The following PRKCZ variants were observed in gnomAD, a reference collection of about 807,000 sequenced individuals.
PRKCZ encodes protein kinase C zeta type.
In PRKCZ, 33 loss-of-function variants were observed where a neutral mutation model predicts 79.5. The ratio of observed to expected loss-of-function variants is 0.41; its 90% confidence interval spans 0.31 to 0.55. The LOEUF is 0.55. PRKCZ is among the 20% of genes least tolerant of loss of function. The pLI is 0.19. For synonymous variants in PRKCZ, 342 were observed against 320.9 expected (o/e 1.07, Z -0.70); for missense variants, 578 against 813.5 (o/e 0.71, Z 3.52).
chr1:2,095,749 TCTCCCCTCCTTTCCG>T (rs1441907981), intron 4 of PRKCZ, among the ~76,000 whole-genome samples: 1 of 71,596 alleles, frequency 1.4e-5, no homozygotes, highest in African/African-American at 5.7e-5. Flanking sequence ...GCTCCCCTCC[TCTCCCCTCCTTTCCG>T]CTCCCCTCCT....
chr1:2,134,455 C>T (rs1007450477), intron 4 of PRKCZ, among the ~76,000 whole-genome samples: 8 of 152,184 alleles, frequency 5.3e-5, no homozygotes. Context: ...TTTACACACA[C>T]ATCCGTTTCA....
Position 2,050,571 on chromosome 1 carries a change from C to A in PRKCZ, c.-60C>A. 1 of 1,104,788 alleles carries A rather than the reference C, an allele frequency of 9.1e-7. No homozygotes were observed. 68.4% of individuals were successfully genotyped at this position (1,104,788 alleles called of 1,614,324 possible). A position where few individuals can be genotyped will look rare whatever the true frequency, so the allele number is the denominator to read the frequency against. ...GCCGCGGCCCCACCTGGAGCCCCCG[C>A]CCCGCGCCATGGCCGGAGCTCCCGG... On this transcript the variant is annotated 5_prime_UTR_variant, in exon 1 of 18. Transcript: ENST00000378567.
At chr1:2,101,863 C>T (rs753772515) in intron 4 of PRKCZ, among the ~76,000 whole-genome samples, 6 of 152,114 alleles carry the variant, frequency 3.9e-5, no homozygotes, top group Non-Finnish European at 7.3e-5. Context: ...GGCAGAGATA[C>T]GTGGTGGGTA....
In PRKCZ at chr1:2,177,877, C is replaced by T. The variant is rs570682074; in HGVS notation, c.1575+2564C>T. On this transcript the variant is annotated intron_variant, in intron 16 of 17. Transcript: ENST00000378567. This position sits in a 1 kb window ranked among gnomAD's most constrained non-coding sequence, Gnocchi z 6.4. ...GAGAGGCCTGCGAAGGGCTTGCCAC[C>T]GACTGCCAGCCCTGCCTCTGCCACC... Among the ~76,000 whole-genome samples the T allele has an allele frequency of 9.2e-5, 14 of 152,196 alleles. No individual in the cohort carries two copies. The highest frequency in any genetic ancestry group is 3.4e-3 in the Middle Eastern group (1 of 294).
Position 2,125,598 on chromosome 1 carries a change from C to T in PRKCZ, c.335-9664C>T, listed in dbSNP as rs1673711717. 6.6e-6 allele frequency among the ~76,000 whole-genome samples: 1 copy of T among 152,334 alleles called. No homozygotes were observed. The highest frequency in any genetic ancestry group is 2.4e-5 in the African/African-American group (1 of 41,586). ...CAAGACGTGGAGTGACTGTGGGTCC[C>T]CGTGGCCCCTGACATGCTCCCAGGG... On this transcript the variant is annotated intron_variant, in intron 4 of 17. Coordinates refer to ENST00000378567, the MANE Select transcript of PRKCZ (RefSeq NM_002744.6). The surrounding 1 kb of genome is among the most constrained non-coding windows in gnomAD (Gnocchi z 4.2).
chr1:2,110,819 C>T (rs1222080934), intron 4 of PRKCZ, among the ~76,000 whole-genome samples: 1 of 151,800 alleles, frequency 6.6e-6, no homozygotes, highest in Non-Finnish European at 1.5e-5. Flanking sequence ...GGGGGCAGGG[C>T]TGGTGGACAG....
chr1:2,155,807 G>GTGGTAGAGGTGGTAGA (rs1553168072), intron 9 of PRKCZ, among the ~76,000 whole-genome samples, 188 bp from the exon 10 acceptor site: 4 of 152,022 alleles, frequency 2.6e-5, no homozygotes, highest in Admixed American at 2.6e-4. Context: ...GATGGTGGTG[G>GTGGTAGAGGTGGTAGA]TGGTGGTAGA....
chr1:2,137,031 A>G (rs1676343696), intron 5 of PRKCZ, among the ~76,000 whole-genome samples: 1 of 152,150 alleles, frequency 6.6e-6, no homozygotes, highest in South Asian at 2.1e-4. Context: ...CTGGGGAAGA[A>G]AGAAGCCAGC....
chr1:2,120,311 T>G lies in PRKCZ; in HGVS notation c.335-14951T>G, dbSNP rs201635020. Among the ~76,000 whole-genome samples, 6 of 136,204 alleles carry G rather than the reference T, an allele frequency of 4.4e-5. No homozygotes were observed. The East Asian group carries it at 8.4e-4, about 19-fold the overall frequency. The allele number at this position is 136,204 out of a possible 152,430, so 89.4% of individuals were successfully genotyped here. ...ACTTTTCGTTTTTTTTTTTTTTTTT[T>G]TTTTTTTTTTTGAGTCTCGCTCTTG... On this transcript the variant is annotated intron_variant, in intron 4 of 17. Transcript: ENST00000378567.
At chr1:2,145,881 T>C in intron 6 of PRKCZ, 146 bp from the exon 7 acceptor site, 1 of 669,888 alleles carries the variant, frequency 1.5e-6, no homozygotes, top group South Asian at 1.8e-5. Flanking sequence ...GCGCCACTGC[T>C]CTCCAGCCTG....
chr1:2,118,664 A>G (rs939906148), intron 4 of PRKCZ, among the ~76,000 whole-genome samples: 8 of 141,292 alleles, frequency 5.7e-5, no homozygotes, highest in African/African-American at 1.6e-4. Context: ...TGAAAATATT[A>G]TTGTCATTAA....
rs573936768 is a variant in PRKCZ, at chr1:2,153,851, T to C, written c.877-2144T>C. Among the ~76,000 whole-genome samples, 18 of 151,514 alleles carry C rather than the reference T, an allele frequency of 1.2e-4. No homozygotes were observed. The South Asian group carries it at 3.8e-3, about 32-fold the overall frequency. ...TTCGAGAAGAGCCTGATTGCAGGAG[T>C]TGTTGAATGCTTGGATGGTTTCTAG... On this transcript the variant is annotated intron_variant, in intron 9 of 17. Coordinates refer to ENST00000378567, the MANE Select transcript of PRKCZ (RefSeq NM_002744.6).
At chr1:2,080,479 G>A (rs370253490) in intron 4 of PRKCZ, among the ~76,000 whole-genome samples, 10 of 152,084 alleles carry the variant, frequency 6.6e-5, no homozygotes, top group African/African-American at 2.2e-4. Context: ...CCCCCCGTGC[G>A]ACCTGGGGGC....
At chr1:2,105,323 C>T (rs1668193336) in intron 4 of PRKCZ, among the ~76,000 whole-genome samples, 1 of 152,196 alleles carries the variant, frequency 6.6e-6, no homozygotes, top group Non-Finnish European at 1.5e-5. Flanking sequence ...GAGGTTGGGG[C>T]TTGGTCATGA....
intron 4 of PRKCZ, among the ~76,000 whole-genome samples, chr1:2,132,406 G>T (rs1675166486): frequency 6.6e-6 from 1 of 152,204 alleles, no homozygotes; most frequent in African/African-American, 2.4e-5. Context: ...CGGGCCCTAG[G>T]GGGAGCAAAT....
chr1:2,108,605 C>G (rs1669070883), intron 4 of PRKCZ, among the ~76,000 whole-genome samples: 1 of 152,232 alleles, frequency 6.6e-6, no homozygotes, highest in South Asian at 2.1e-4. Context: ...ACGGCAGCCC[C>G]TCTCTCTCCA....
At chr1:2,166,723 G>A (rs1397292185) in intron 10 of PRKCZ, among the ~76,000 whole-genome samples, 2 of 152,142 alleles carry the variant, frequency 1.3e-5, no homozygotes, top group African/African-American at 4.8e-5. Flanking sequence ...GGACATGGAG[G>A]GGCACCTTCA....
At chr1:2,052,632 C>T (rs999859228) in intron 1 of PRKCZ, among the ~76,000 whole-genome samples, 1 of 152,068 alleles carries the variant, frequency 6.6e-6, no homozygotes, top group Non-Finnish European at 1.5e-5. Flanking sequence ...AAGTACCCTT[C>T]TCCCCGTTCT....
chr1:2,130,405 C>T (rs1044478640), intron 4 of PRKCZ, among the ~76,000 whole-genome samples: 2 of 152,172 alleles, frequency 1.3e-5, no homozygotes, highest in African/African-American at 4.8e-5. Context: ...GGCGTGCCTT[C>T]CCGTGGGACT....
Sources: gnomAD v4.1 joint callset for allele counts (sites outside exome capture counted in the v4.1 genomes callset) on GRCh38, gnomAD v4.1.1 for gene constraint, Gnocchi (gnomAD v3.1) non-coding constraint, MANE v1.5 for transcripts, NCBI Gene and HGNC (gene_info 2026-07-23, HGNC 2026-07-21) for gene names.